ZNF510: variants seen among roughly 807,000 people sequenced by gnomAD.
ZNF510 encodes the protein zinc finger protein 510.
ZNF510 carries 15 observed loss-of-function variants against 18.1 expected under a neutral mutation model. That is an observed-to-expected ratio of 0.83 (90% CI 0.55 to 1.28). The LOEUF (loss-of-function observed/expected upper bound fraction) is 1.28, where lower values mean the gene tolerates loss of function less well. ZNF510 is among the 50% of genes most tolerant of loss of function. The pLI is 0.00. For synonymous variants in ZNF510, 261 were observed against 266.4 expected (o/e 0.98, Z 0.20); for missense variants, 724 against 791.8 (o/e 0.91, Z 1.03).
chr9:96,759,825 A>C lies in ZNF510; in HGVS notation c.1005T>G (p.His335Gln). Reference sequence around the variant, plus strand: ...TATTTCCACTTGGATTTAATTCATAATGTTTTATACCCATATTAAGTTTAT... The same window carrying C: ...TATTTCCACTTGGATTTAATTCATACTGTTTTATACCCATATTAAGTTTAT... ...EYNKLNMGIKHYELNPSGNNF... is the reference protein window; with the variant it reads ...EYNKLNMGIKQYELNPSGNNF... The change falls in exon 6 of 6, where the codon CAT becomes CAG. Residue 335 changes from histidine (H) to glutamine (Q), a missense_variant. His to Gln is a conservative substitution (Grantham distance 24). Transcript: ENST00000223428. The C allele has an allele frequency of 6.2e-7, 1 of 1,613,720 alleles. No homozygotes were observed. Among genetic ancestry groups the C allele is most frequent in the Non-Finnish European group, 8.5e-7 (1 of 1,179,910 alleles).
Position 96,758,623 on chromosome 9 carries a change from C to A in ZNF510, c.*155G>T. 1 of 732,738 alleles carries A rather than the reference C, an allele frequency of 1.4e-6. No individual in the cohort carries two copies. The highest frequency in any genetic ancestry group is 4.0e-4 in the Middle Eastern group (1 of 2,490). 45.4% of individuals were successfully genotyped at this position (732,738 alleles called of 1,614,324 possible). A position where few individuals can be genotyped will look rare whatever the true frequency, so the allele number is the denominator to read the frequency against. ...ACACAATTCTTCCTGCATTCATCTT[C>A]ATCTGGTTTCTTTCCTATGTGAATT... On this transcript the variant is annotated 3_prime_UTR_variant, in exon 6 of 6. Coordinates refer to ENST00000223428, the MANE Select transcript of ZNF510 (RefSeq NM_014930.3).
At position 96,767,525 on chromosome 9, in the gene ZNF510, G is replaced by A. The variant is rs78342404; in HGVS notation, c.130-3893C>T. Among the ~76,000 whole-genome samples, 1,398 of 151,854 alleles carry A rather than the reference G, an allele frequency of 9.2e-3. 48 individuals are homozygous for A. The East Asian group carries it at 0.1, about 11-fold the overall frequency. On this transcript the variant is annotated intron_variant, in intron 3 of 5. Coordinates refer to ENST00000223428, the MANE Select transcript of ZNF510 (RefSeq NM_014930.3). ...TCAGTATCCTAATTGTATACTTTAA[G>A]GAACTAAATGAGGTGGGGACCTTAC...
intron 3 of ZNF510, among the ~76,000 whole-genome samples, chr9:96,765,790 C>T (rs181623015): frequency 5.3e-5 from 8 of 152,242 alleles, no homozygotes; most frequent in Admixed American, 5.2e-4. Context: ...GGATTACAGA[C>T]GTGAGCCACT....
In ZNF510 at chr9:96,760,249, C is replaced by T. The variant is rs1232010681; in HGVS notation, c.581G>A (p.Arg194Lys). 1.9e-6 allele frequency: 3 copies of T among 1,612,674 alleles called. No homozygotes were observed. Among genetic ancestry groups the T allele is most frequent in the Non-Finnish European group, 2.5e-6 (3 of 1,179,350 alleles). ...QSISEFIINN[R>K]NYSTKKIGCG... ...ACCTATTTTCTTTGTTGAATAGTTT[C>T]TATTATTAATGATAAATTCAGAAAT... Residue 194 changes from arginine to lysine, a missense_variant, in exon 6 of 6, where the codon AGA (arginine) becomes AAA (lysine). Physicochemically the swap from Arg to Lys is conservative, Grantham distance 26. Transcript: ENST00000223428.
chr9:96,767,419 C>T (rs1447301334), intron 3 of ZNF510, among the ~76,000 whole-genome samples: 6 of 151,940 alleles, frequency 3.9e-5, no homozygotes, highest in Non-Finnish European at 7.4e-5. Flanking sequence ...ACACAAAATA[C>T]CAAAATGCAT....
rs755121269 is a variant in ZNF510 at position 96,759,835 on chromosome 9, C to T, written c.995G>A (p.Gly332Asp). The stretch of plus-strand genomic sequence containing the variant: ...TGGATTTAATTCATAATGTTTTATA[C>T]CCATATTAAGTTTATTATATTCCTC... ...TVEEYNKLNMGIKHYELNPSG... is the reference protein window; with the variant it reads ...TVEEYNKLNMDIKHYELNPSG... Residue 332 changes from glycine (G) to aspartate (D), a missense_variant, in exon 6 of 6, where the codon GGT (glycine) becomes GAT (aspartate). Coordinates refer to ENST00000223428, the MANE Select transcript of ZNF510 (RefSeq NM_014930.3). The T allele has an allele frequency of 1.9e-6, 3 of 1,613,436 alleles. No homozygotes were observed. The highest frequency in any genetic ancestry group is 1.7e-6 in the Non-Finnish European group (2 of 1,179,886).
chr9:96,758,490 G>T lies in ZNF510; in HGVS notation c.*288C>A. The T allele has an allele frequency of 3.5e-6, 1 of 289,828 alleles. No homozygotes were observed. The allele number at this position is 289,828 out of a possible 1,614,324, so 18.0% of individuals were successfully genotyped here. ...TGAAGAGATTACCAGCCTGTGTGAT[G>T]TGTGGGAGCTATCTAATAGGGTATG... On this transcript the variant is annotated 3_prime_UTR_variant, in exon 6 of 6. Coordinates refer to ENST00000223428, the MANE Select transcript of ZNF510 (RefSeq NM_014930.3).
At chr9:96,762,680 A>G (rs1474450269) in intron 5 of ZNF510, among the ~76,000 whole-genome samples, 1 of 152,148 alleles carries the variant, frequency 6.6e-6, no homozygotes, top group Admixed American at 6.5e-5. Context: ...ATTTCACCTC[A>G]TATCTCACTT....
intron 3 of ZNF510, among the ~76,000 whole-genome samples, chr9:96,774,290 T>A (rs919198003): frequency 2.6e-5 from 4 of 152,208 alleles, no homozygotes; most frequent in African/African-American, 9.7e-5. Context: ...TCTGTTTCCA[T>A]TACCTGAAAA....
At chr9:96,762,962 G>T in intron 5 of ZNF510, 156 bp downstream of exon 5, 1 of 596,224 alleles carries the variant, frequency 1.7e-6, no homozygotes. Context: ...TACTTTTAAT[G>T]GAATCAACTT....
intron 3 of ZNF510, among the ~76,000 whole-genome samples, chr9:96,763,981 C>T (rs973949214): frequency 6.6e-6 from 1 of 152,052 alleles, no homozygotes; most frequent in Non-Finnish European, 1.5e-5. Flanking sequence ...CCTGTAGTCC[C>T]AGCTACTTGG....
At chr9:96,762,753 G>T (rs1849382501) in intron 5 of ZNF510, among the ~76,000 whole-genome samples, 1 of 151,864 alleles carries the variant, frequency 6.6e-6, no homozygotes, top group Non-Finnish European at 1.5e-5. Flanking sequence ...AGATTTACTG[G>T]GCATACATAT....
chr9:96,767,156 T>G (rs1299259545), intron 3 of ZNF510, among the ~76,000 whole-genome samples: 1 of 151,960 alleles, frequency 6.6e-6, no homozygotes, highest in Non-Finnish European at 1.5e-5. Context: ...GGTGAAACCC[T>G]GTCTCTACTA....
rs1465741004 is a variant in ZNF510, at chr9:96,755,036, A to G, written c.*3742T>C. On this transcript the variant is annotated 3_prime_UTR_variant, in exon 6 of 6. Transcript: ENST00000223428. ...GGGAGCATACATGACTAGAGCACAG[A>G]CCATGGTCTCCAGTTGGTGATGTAT... Among the ~76,000 whole-genome samples, 1 of 152,158 alleles carries G rather than the reference A, an allele frequency of 6.6e-6. No individual in the cohort carries two copies. Among genetic ancestry groups the G allele is most frequent in the Admixed American group, 6.5e-5 (1 of 15,278 alleles).
chr9:96,760,125 G>A lies in ZNF510; in HGVS notation c.705C>T (p.Leu235=). Reference sequence around the variant, plus strand: ...GCTTGGGAAGATTTTCATTATAATTGAGAGCTTTCATGTTTTTATTATGTT... The same window carrying A: ...GCTTGGGAAGATTTTCATTATAATTAAGAGCTTTCATGTTTTTATTATGTT... ...FYEHNKNMKA[L]NYNENLPKHP... The change falls in exon 6 of 6, where the codon CTC becomes CTT. Residue 235 remains leucine (L), a synonymous_variant. Coordinates refer to ENST00000223428, the MANE Select transcript of ZNF510 (RefSeq NM_014930.3). 1 of 1,609,746 alleles carries A rather than the reference G, an allele frequency of 6.2e-7. No homozygotes were observed. Among genetic ancestry groups the A allele is most frequent in the Non-Finnish European group, 8.5e-7 (1 of 1,178,822 alleles).
At chr9:96,764,604 T>C (rs909552636) in intron 3 of ZNF510, among the ~76,000 whole-genome samples, 3 of 151,928 alleles carry the variant, frequency 2.0e-5, no homozygotes, top group Admixed American at 6.6e-5. Context: ...CTTGCCTTTA[T>C]AGAAAAAAAT....
intron 5 of ZNF510, among the ~76,000 whole-genome samples, chr9:96,761,721 C>T (rs1279169157): frequency 6.6e-6 from 1 of 152,152 alleles, no homozygotes; most frequent in Non-Finnish European, 1.5e-5. Flanking sequence ...CTGACCTTTA[C>T]ATAAATATAG....
chr9:96,760,974 T>TA (rs1849334408), intron 5 of ZNF510, among the ~76,000 whole-genome samples: 1 of 152,162 alleles, frequency 6.6e-6, no homozygotes, highest in Non-Finnish European at 1.5e-5. Context: ...AATAGTCTAT[T>TA]GTCTACATTC....
Position 96,759,659 on chromosome 9 carries a change from G to T in ZNF510, c.1171C>A (p.His391Asn), listed in dbSNP as rs140414578. The T allele has an allele frequency of 6.2e-7, 1 of 1,613,542 alleles. No homozygotes were observed. The highest frequency in any genetic ancestry group is 1.7e-5 in the Admixed American group (1 of 60,020). The change falls in exon 6 of 6, where the codon CAC becomes AAC. Residue 391 changes from histidine to asparagine, a missense_variant. Physicochemically the swap from His to Asn is moderately conservative, Grantham distance 68. Coordinates refer to ENST00000223428, the MANE Select transcript of ZNF510 (RefSeq NM_014930.3). ...ENKKSYQTSV[H>N]RVRRRSHSMM... ...GAGTGACTTCTTCGGCGAACTCTGT[G>T]AACCGACGTCTGGTAGGATTTCTTA... is the stretch of plus-strand genomic sequence containing the variant.
Sources: gnomAD v4.1 joint callset for allele counts (sites outside exome capture counted in the v4.1 genomes callset) on GRCh38, gnomAD v4.1.1 for gene constraint, MANE v1.5 for transcripts, NCBI Gene and HGNC (gene_info 2026-07-23, HGNC 2026-07-21) for gene names.